KCNH7: variants seen among roughly 807,000 people sequenced by gnomAD.
The protein encoded by KCNH7 is potassium voltage-gated channel subfamily H member 7, also known as voltage-gated inwardly rectifying potassium channel KCNH7.
A neutral mutation model predicts 120.8 loss-of-function variants in KCNH7; 49 were observed. The observed-to-expected ratio is 0.41, with a 90% confidence interval of 0.32 to 0.51. The LOEUF is 0.51. Among genes scored for constraint, KCNH7 ranks in the 20% least tolerant of loss-of-function variants. The probability of loss-of-function intolerance (pLI) is 0.38; values close to 1 mark genes in which losing one functional copy is unlikely to be tolerated. For synonymous variants in KCNH7, 547 were observed against 516.1 expected (o/e 1.06, Z -0.81); for missense variants, 1,097 against 1,446.6 (o/e 0.76, Z 3.92).
In KCNH7 at chr2:162,517,711, A is replaced by T. The variant is rs201409161; in HGVS notation, c.892+19T>A. Reference sequence around the variant, plus strand: ...TACCCATTAATATATGTTTCCATTTAAAAAAAAATCAAACATACCTTCGCT... The same window carrying T: ...TACCCATTAATATATGTTTCCATTTTAAAAAAAATCAAACATACCTTCGCT... On this transcript the variant is annotated intron_variant, in intron 4 of 15. Transcript: ENST00000332142. 89 of 1,468,328 alleles carry T rather than the reference A, an allele frequency of 6.1e-5. No individual in the cohort carries two copies. In the East Asian group the frequency reaches 8.4e-4, roughly 14 times the overall value. 91.0% of individuals were successfully genotyped at this position (1,468,328 alleles called of 1,614,324 possible).
intron 2 of KCNH7, among the ~76,000 whole-genome samples, chr2:162,557,411 A>G (rs567148573): frequency 6.6e-6 from 1 of 152,270 alleles, no homozygotes; most frequent in Admixed American, 6.5e-5. Context: ...GCACAGCATC[A>G]CTTCTTCCAT....
At chr2:162,752,144 G>A (rs1688573226) in intron 2 of KCNH7, among the ~76,000 whole-genome samples, 1 of 152,070 alleles carries the variant, frequency 6.6e-6, no homozygotes, top group Non-Finnish European at 1.5e-5. Context: ...GATAAAATAA[G>A]CAGAAGTCAT....
At chr2:162,713,262 G>C (rs757023962) in intron 2 of KCNH7, among the ~76,000 whole-genome samples, 1 of 152,184 alleles carries the variant, frequency 6.6e-6, no homozygotes, top group Non-Finnish European at 1.5e-5. Flanking sequence ...GACAGAAAGA[G>C]AGAGCATCTC....
chr2:162,693,257 T>C (rs897399512), intron 2 of KCNH7, among the ~76,000 whole-genome samples: 10 of 152,268 alleles, frequency 6.6e-5, no homozygotes, highest in Non-Finnish European at 1.2e-4. Context: ...CTTGAGTAAA[T>C]TGACCACACA....
intron 2 of KCNH7, among the ~76,000 whole-genome samples, chr2:162,663,457 CTT>C (rs1241194231): frequency 6.6e-6 from 1 of 152,076 alleles, no homozygotes; most frequent in Non-Finnish European, 1.5e-5. Flanking sequence ...TTGAATTTCT[CTT>C]TTTCACTTTC....
chr2:162,759,642 A>G (rs2105448538), intron 2 of KCNH7, among the ~76,000 whole-genome samples: 1 of 152,020 alleles, frequency 6.6e-6, no homozygotes, highest in African/African-American at 2.4e-5. Flanking sequence ...GACCAAATGA[A>G]GGAGAAAGGG....
At chr2:162,793,048 T>C (rs998595771) in intron 2 of KCNH7, among the ~76,000 whole-genome samples, 1 of 152,052 alleles carries the variant, frequency 6.6e-6, no homozygotes, top group Non-Finnish European at 1.5e-5. Context: ...TGAACAACTT[T>C]TTGATTCTGC....
chr2:162,751,992 T>G (rs1374860161), intron 2 of KCNH7, among the ~76,000 whole-genome samples: 15 of 152,106 alleles, frequency 9.9e-5, no homozygotes, highest in Admixed American at 8.5e-4. Context: ...ATAATTTGTT[T>G]GTTTTCTTAA....
intron 2 of KCNH7, among the ~76,000 whole-genome samples, chr2:162,799,502 A>G (rs1461975104): frequency 6.6e-6 from 1 of 152,034 alleles, no homozygotes; most frequent in Non-Finnish European, 1.5e-5. Flanking sequence ...GATCTTTAAT[A>G]TTTAGAATAC....
intron 6 of KCNH7, among the ~76,000 whole-genome samples, chr2:162,490,727 A>T (rs1437891050): frequency 6.6e-6 from 1 of 152,140 alleles, no homozygotes; most frequent in Non-Finnish European, 1.5e-5. Flanking sequence ...GGGCTTGGGA[A>T]TGTCAGCCTC....
intron 6 of KCNH7, among the ~76,000 whole-genome samples, chr2:162,490,223 G>A (rs80009491): frequency 6.6e-6 from 1 of 152,350 alleles, no homozygotes; most frequent in East Asian, 1.9e-4. Context: ...GGCCTAAGGG[G>A]CCACATGTGC....
chr2:162,749,946 A>G (rs1308107542), intron 2 of KCNH7, among the ~76,000 whole-genome samples: 1 of 152,314 alleles, frequency 6.6e-6, no homozygotes, highest in East Asian at 1.9e-4. Flanking sequence ...TTAATAACTA[A>G]ACAATTTTAT....
At chr2:162,820,942 T>A (rs1685098402) in intron 2 of KCNH7, among the ~76,000 whole-genome samples, 1 of 152,220 alleles carries the variant, frequency 6.6e-6, no homozygotes, top group African/African-American at 2.4e-5. Flanking sequence ...TTTATTAGAA[T>A]GTTAATAACT....
At chr2:162,504,247 T>C (rs148235182) in intron 6 of KCNH7, among the ~76,000 whole-genome samples, 196 bp downstream of exon 6, 523 of 152,170 alleles carry the variant, frequency 3.4e-3, no homozygotes, top group African/African-American at 0.012. Flanking sequence ...CTTAGTCTTG[T>C]AATATATAAA....
At chr2:162,681,519 A>G (rs1026495773) in intron 2 of KCNH7, among the ~76,000 whole-genome samples, 8 of 151,760 alleles carry the variant, frequency 5.3e-5, no homozygotes, top group Non-Finnish European at 1.0e-4. Flanking sequence ...ATTTAAGAGA[A>G]AATAGAAAAA....
intron 2 of KCNH7, among the ~76,000 whole-genome samples, chr2:162,823,326 C>G (rs1438096665): frequency 6.6e-6 from 1 of 152,196 alleles, no homozygotes; most frequent in Non-Finnish European, 1.5e-5. Context: ...TCAAACCACA[C>G]TCTATTATTT....
chr2:162,384,605 C>A, intron 13 of KCNH7, 83 bp downstream of exon 13: 1 of 1,262,304 alleles, frequency 7.9e-7, no homozygotes. Context: ...TAACATGTGT[C>A]AGTACAGTTC....
At chr2:162,516,079 T>C (rs1322138930) in intron 4 of KCNH7, among the ~76,000 whole-genome samples, 2 of 151,768 alleles carry the variant, frequency 1.3e-5, no homozygotes, top group African/African-American at 4.8e-5. Flanking sequence ...CATCACATGG[T>C]CTTCTCAATG....
At chr2:162,375,556 C>A (rs576112041) in intron 14 of KCNH7, among the ~76,000 whole-genome samples, 1 of 152,212 alleles carries the variant, frequency 6.6e-6, no homozygotes, top group Admixed American at 6.5e-5. Flanking sequence ...CAAAGGGCAG[C>A]AGTTTGCTGA....
Sources: gnomAD v4.1 joint callset for allele counts (sites outside exome capture counted in the v4.1 genomes callset) on GRCh38, gnomAD v4.1.1 for gene constraint, MANE v1.5 for transcripts, NCBI Gene and HGNC (gene_info 2026-07-23, HGNC 2026-07-21) for gene names.